The following SLX4IP variants were observed in gnomAD, a reference collection of about 807,000 sequenced individuals.
SLX4IP encodes the protein protein SLX4IP.
SLX4IP carries 34 observed loss-of-function variants against 32.9 expected under a neutral mutation model. That is an observed-to-expected ratio of 1.03 (90% CI 0.79 to 1.38). The LOEUF is 1.38. SLX4IP is among the 40% of genes most tolerant of loss of function. The pLI is 0.00. For missense variants in SLX4IP, 444 were observed against 479.0 expected (o/e 0.93, Z 0.68); for synonymous variants, 172 against 171.7 (o/e 1.00, Z -0.01).
intron 1 of SLX4IP, among the ~76,000 whole-genome samples, chr20:10,449,983 A>G (rs1183575890): frequency 6.6e-6 from 1 of 151,968 alleles, no homozygotes; most frequent in Non-Finnish European, 1.5e-5. Context: ...ACAAAACCTT[A>G]TTGTGAGTTG....
chr20:10,532,686 A>G (rs1465230273), intron 2 of SLX4IP, among the ~76,000 whole-genome samples: 2 of 152,136 alleles, frequency 1.3e-5, no homozygotes, highest in Non-Finnish European at 2.9e-5. Flanking sequence ...AGATGGGTGC[A>G]TATCCCCAAG....
At chr20:10,608,292 G>A (rs1251435981) in intron 6 of SLX4IP, among the ~76,000 whole-genome samples, 1 of 152,150 alleles carries the variant, frequency 6.6e-6, no homozygotes, top group Non-Finnish European at 1.5e-5. Flanking sequence ...CACCTAACTT[G>A]TTAAGCAAAG....
At chr20:10,602,718 C>A (rs189322610) in intron 6 of SLX4IP, among the ~76,000 whole-genome samples, 130 of 152,154 alleles carry the variant, frequency 8.5e-4, no homozygotes, top group African/African-American at 2.8e-3. Flanking sequence ...TATTAGATTA[C>A]CCTTGATGTT....
chr20:10,524,017 C>G (rs543901185), intron 2 of SLX4IP, among the ~76,000 whole-genome samples: 234 of 152,318 alleles, frequency 1.5e-3, no homozygotes, highest in African/African-American at 5.4e-3. Context: ...GCTGGCTGGT[C>G]GAACGTAAGA....
chr20:10,577,831 A>T (rs1327451447), intron 4 of SLX4IP, among the ~76,000 whole-genome samples: 1 of 152,256 alleles, frequency 6.6e-6, no homozygotes, highest in Non-Finnish European at 1.5e-5. Context: ...TCAAATACTC[A>T]TAGATTGATT....
At position 10,560,699 on chromosome 20, in the gene SLX4IP, G is replaced by T; in HGVS notation, c.118-1G>T. On this transcript the variant is annotated splice_acceptor_variant, in intron 3 of 7. Transcript: ENST00000334534. LOFTEE classifies it high-confidence loss of function. ...TATATCTAATTTTTTATTTGCTTTA[G>T]GAAGTCTGTTTACTGTTAAAAGAAA... 1 of 1,566,618 alleles carries T rather than the reference G, an allele frequency of 6.4e-7. No individual in the cohort carries two copies. The highest frequency in any genetic ancestry group is 8.6e-7 in the Non-Finnish European group (1 of 1,158,640).
At position 10,500,840 on chromosome 20, in the gene SLX4IP, C is replaced by G. The variant is rs139972276; in HGVS notation, c.27+42609C>G. Among the ~76,000 whole-genome samples the G allele has an allele frequency of 7.9e-5, 12 of 152,330 alleles. No individual in the cohort carries two copies. In the East Asian group the frequency reaches 2.1e-3, roughly 27 times the overall value. On this transcript the variant is annotated intron_variant, in intron 2 of 7. Transcript: ENST00000334534. ...TGCCCCTCATGATGTCTCAGGTACT[C>G]ATTTCAGGATTCTAATTTGCAACCA...
chr20:10,463,642 T>C (rs1478687073), intron 2 of SLX4IP, among the ~76,000 whole-genome samples: 1 of 152,200 alleles, frequency 6.6e-6, no homozygotes, highest in Non-Finnish European at 1.5e-5. Flanking sequence ...TTTTTAGGCC[T>C]GTCAGGTAGC....
At chr20:10,479,353 T>TTTTTTC (rs565393757) in intron 2 of SLX4IP, among the ~76,000 whole-genome samples, 30,310 of 110,582 alleles carry the variant, frequency 0.27, 3,875 homozygotes, top group Admixed American at 0.34. Context: ...TCCATATTTC[T>TTTTTTC]TTTTTTTTTT....
At chr20:10,561,660 C>T (rs2122503518) in intron 4 of SLX4IP, among the ~76,000 whole-genome samples, 1 of 151,802 alleles carries the variant, frequency 6.6e-6, no homozygotes, top group Middle Eastern at 3.4e-3. Flanking sequence ...TTATCCCTCA[C>T]TCCCTTCCCC....
chr20:10,458,132 A>G (rs6104617), intron 1 of SLX4IP, 44 bp from the exon 2 acceptor site: 737,778 of 1,301,120 alleles, frequency 0.57, 217,748 homozygotes, highest in Non-Finnish European at 0.61. Flanking sequence ...CCAAATAAAA[A>G]GAAATTTTAA....
chr20:10,480,300 C>T (rs1159309654), intron 2 of SLX4IP, among the ~76,000 whole-genome samples: 1 of 151,216 alleles, frequency 6.6e-6, no homozygotes. Flanking sequence ...GGATTGGGGC[C>T]GAGATGGGAG....
chr20:10,568,836 CA>C (rs763290172), intron 4 of SLX4IP, among the ~76,000 whole-genome samples: 5 of 152,214 alleles, frequency 3.3e-5, no homozygotes, highest in Non-Finnish European at 7.3e-5. Flanking sequence ...CAGATTTTTA[CA>C]GTCATGCTGT....
intron 2 of SLX4IP, among the ~76,000 whole-genome samples, chr20:10,461,151 T>C (rs2065334489): frequency 6.6e-6 from 1 of 152,250 alleles, no homozygotes; most frequent in South Asian, 2.1e-4. Context: ...TGAGCCCTGG[T>C]AGTCTGTCTG....
At chr20:10,458,938 A>G (rs538537986) in intron 2 of SLX4IP, among the ~76,000 whole-genome samples, 47 of 152,350 alleles carry the variant, frequency 3.1e-4, no homozygotes, top group Non-Finnish European at 5.3e-4. Flanking sequence ...GAATCGCCAC[A>G]CTGTCTTCCA....
At chr20:10,569,021 G>A (rs1041118399) in intron 4 of SLX4IP, among the ~76,000 whole-genome samples, 3 of 152,218 alleles carry the variant, frequency 2.0e-5, no homozygotes, top group African/African-American at 4.8e-5. Flanking sequence ...TTGATCCCAC[G>A]TGGAAGATTT....
chr20:10,523,698 T>C (rs2065918346), intron 2 of SLX4IP, among the ~76,000 whole-genome samples: 1 of 152,228 alleles, frequency 6.6e-6, no homozygotes, highest in Non-Finnish European at 1.5e-5. Flanking sequence ...GAATGAATAA[T>C]TTATTGCAGG....
intron 4 of SLX4IP, among the ~76,000 whole-genome samples, chr20:10,579,760 A>G (rs973688657): frequency 2.6e-5 from 4 of 152,168 alleles, no homozygotes; most frequent in African/African-American, 9.7e-5. Flanking sequence ...CCATATGCCA[A>G]TACTGCACTG....
intron 3 of SLX4IP, among the ~76,000 whole-genome samples, chr20:10,556,765 A>G (rs1458645101): frequency 2.0e-5 from 3 of 152,174 alleles, no homozygotes; most frequent in Non-Finnish European, 2.9e-5. Flanking sequence ...TCATCCTTGT[A>G]TTATCATGAG....
Sources: allele counts gnomAD v4.1 joint callset (sites outside exome capture counted in the v4.1 genomes callset), GRCh38; gene constraint gnomAD v4.1.1; transcripts MANE v1.5; gene names NCBI Gene and HGNC (gene_info 2026-07-23, HGNC 2026-07-21).